Variants in JAKMIP1 observed in about 807,000 individuals in gnomAD.
JAKMIP1 encodes the protein janus kinase and microtubule-interacting protein 1.
JAKMIP1 carries 33 observed loss-of-function variants against 113.0 expected under a neutral mutation model. The observed-to-expected ratio is 0.29, with a 90% CI of 0.22 to 0.39. JAKMIP1 has a LOEUF of 0.39. JAKMIP1 is among the 10% of genes least tolerant of loss of function. The probability of loss-of-function intolerance (pLI) is 1.00; values close to 1 mark genes in which losing one functional copy is unlikely to be tolerated. For synonymous variants in JAKMIP1, 480 were observed against 459.9 expected (o/e 1.04, Z -0.56); for missense variants, 813 against 1,080.5 (o/e 0.75, Z 3.47).
chr4:6,111,186 A>G (rs1714875855), intron 2 of JAKMIP1, among the ~76,000 whole-genome samples: 1 of 152,124 alleles, frequency 6.6e-6, no homozygotes, highest in Admixed American at 6.5e-5. Context: ...CCAGCACTCC[A>G]TTGGCGACCT....
In JAKMIP1 at chr4:6,153,894, C is replaced by G. The variant is rs1321344268; in HGVS notation, c.-147-40897G>C. Among the ~76,000 whole-genome samples, 1 of 152,242 alleles carries G rather than the reference C, an allele frequency of 6.6e-6. No homozygotes were observed. Among genetic ancestry groups the G allele is most frequent in the Non-Finnish European group, 1.5e-5 (1 of 68,042 alleles). ...ATCGCAACACTGGTGAGCACTCTCACTGAGAAATGCGGAACCAGCTACCCG... is the reference window on the plus strand; with the variant it reads ...ATCGCAACACTGGTGAGCACTCTCAGTGAGAAATGCGGAACCAGCTACCCG... On this transcript the variant is annotated intron_variant, in intron 1 of 20. Transcript: ENST00000409021. This position sits in a 1 kb window ranked among gnomAD's most constrained non-coding sequence, Gnocchi z 4.9.
At chr4:6,149,727 G>A (rs1422235721) in intron 1 of JAKMIP1, among the ~76,000 whole-genome samples, 1 of 152,026 alleles carries the variant, frequency 6.6e-6, no homozygotes, top group East Asian at 1.9e-4. Context: ...CCAGGGCCCT[G>A]CACCTCTTGA....
intron 1 of JAKMIP1, among the ~76,000 whole-genome samples, chr4:6,122,029 A>G (rs1175876691): frequency 1.3e-5 from 2 of 152,232 alleles, no homozygotes; most frequent in Admixed American, 1.3e-4. Context: ...GCAGGCTTAT[A>G]TTTAAGTGTA....
At chr4:6,096,246 C>T (rs1578218121) in intron 3 of JAKMIP1, among the ~76,000 whole-genome samples, 1 of 152,208 alleles carries the variant, frequency 6.6e-6, no homozygotes, top group Non-Finnish European at 1.5e-5. Flanking sequence ...TAGCATCCTG[C>T]TGTTTTAATT....
chr4:6,126,257 ACACACACAAACACACACAC>A (rs1717574743), intron 1 of JAKMIP1, among the ~76,000 whole-genome samples: 1 of 148,804 alleles, frequency 6.7e-6, no homozygotes, highest in Admixed American at 6.7e-5. Flanking sequence ...AGAAACACAC[ACACACACAAACACACACAC>A]CATGCAGAAA....
chr4:6,057,803 C>T (rs1254621635), intron 11 of JAKMIP1, among the ~76,000 whole-genome samples: 4 of 152,214 alleles, frequency 2.6e-5, no homozygotes, highest in African/African-American at 7.2e-5. Flanking sequence ...GGGATGTTAG[C>T]AGAGGTGACC....
intron 3 of JAKMIP1, among the ~76,000 whole-genome samples, chr4:6,104,195 C>T (rs1045070724): frequency 6.6e-5 from 10 of 152,220 alleles, no homozygotes; most frequent in Non-Finnish European, 1.3e-4. Flanking sequence ...GAATAGAGTG[C>T]TCTGTCAGGT....
chr4:6,118,204 T>C (rs867926720), intron 1 of JAKMIP1, among the ~76,000 whole-genome samples: 1 of 152,326 alleles, frequency 6.6e-6, no homozygotes, highest in South Asian at 2.1e-4. Flanking sequence ...TAAATGTCCA[T>C]AAAATCTTCA....
At chr4:6,053,583 G>T (rs764116092) in intron 13 of JAKMIP1, among the ~76,000 whole-genome samples, 3 of 152,150 alleles carry the variant, frequency 2.0e-5, no homozygotes, top group Non-Finnish European at 4.4e-5. Flanking sequence ...GCTGGCTCAG[G>T]TCAGACTCTG....
At chr4:6,174,176 T>G (rs932752774) in intron 1 of JAKMIP1, among the ~76,000 whole-genome samples, 4 of 152,180 alleles carry the variant, frequency 2.6e-5, no homozygotes, top group Non-Finnish European at 5.9e-5. Flanking sequence ...ATACCCTATA[T>G]AGCAAAATGA....
rs1234009399 is a variant in JAKMIP1 at position 6,158,088 on chromosome 4, AC to A, written c.-148+42164del. 6.6e-6 allele frequency among the ~76,000 whole-genome samples: 1 copy of A among 152,110 alleles called. No homozygotes were observed. Among genetic ancestry groups the A allele is most frequent in the Non-Finnish European group, 1.5e-5 (1 of 68,010 alleles). On this transcript the variant is annotated intron_variant, in intron 1 of 20. Transcript: ENST00000409021. This position sits in a 1 kb window ranked among gnomAD's most constrained non-coding sequence, Gnocchi z 5.3. ...AGCGCCGTCCCTCTCCCTGTGTGAG[AC>A]GCTGGTCAAGTTACTCCTGCTCTCT...
chr4:6,101,732 C>CAAAAAAAAAAAA (rs56084278), intron 3 of JAKMIP1, among the ~76,000 whole-genome samples: 1 of 96,568 alleles, frequency 1.0e-5, no homozygotes, highest in African/African-American at 4.1e-5. Context: ...ACTAAAAATA[C>CAAAAAAAAAAAA]AAAAAAAAAA....
rs145818869 is a variant in JAKMIP1, at chr4:6,050,836, C to T, written c.1807-157G>A. Among the ~76,000 whole-genome samples the T allele has an allele frequency of 1.3e-5, 2 of 152,320 alleles. No individual in the cohort carries two copies. The highest frequency in any genetic ancestry group is 1.9e-4 in the East Asian group (1 of 5,180). Reference sequence around the variant, plus strand: ...TAGAAGCAGCCTCGTCCGTGAGCTACGACGTTTTCACGCCTTCCCACGCAG... The same window carrying T: ...TAGAAGCAGCCTCGTCCGTGAGCTATGACGTTTTCACGCCTTCCCACGCAG... On this transcript the variant is annotated intron_variant, in intron 13 of 20. Coordinates refer to ENST00000409021, the MANE Select transcript of JAKMIP1 (RefSeq NM_001099433.2). The surrounding 1 kb of genome is among the most constrained non-coding windows in gnomAD (Gnocchi z 7.4).
intron 3 of JAKMIP1, among the ~76,000 whole-genome samples, chr4:6,100,796 T>C (rs1054118465): frequency 7.2e-5 from 11 of 152,202 alleles, no homozygotes; most frequent in Non-Finnish European, 1.6e-4. Flanking sequence ...CTAGTTGTAA[T>C]TTTACTCTGG....
intron 3 of JAKMIP1, 116 bp from the exon 4 acceptor site, chr4:6,085,745 C>G: frequency 1.2e-6 from 1 of 856,282 alleles, no homozygotes; most frequent in Admixed American, 2.3e-5. Context: ...GGGCCTGGGT[C>G]AACTGAATTC....
In JAKMIP1 at chr4:6,129,961, A is replaced by G. The variant is rs1718268986; in HGVS notation, c.-147-16964T>C. On this transcript the variant is annotated intron_variant, in intron 1 of 20. Transcript: ENST00000409021. This position sits in a 1 kb window ranked among gnomAD's most constrained non-coding sequence, Gnocchi z 5.4. ...TCCTGGTCCTAACAAGTCCATCTTG[A>G]TATGTCCCAGTGAAGCCAAGTTCAG... is the stretch of plus-strand genomic sequence containing the variant. Among the ~76,000 whole-genome samples the G allele has an allele frequency of 6.6e-6, 1 of 152,174 alleles. No individual in the cohort carries two copies.
intron 1 of JAKMIP1, among the ~76,000 whole-genome samples, chr4:6,125,982 AACAC>A (rs1211314152): frequency 2.9e-5 from 4 of 137,860 alleles, no homozygotes; most frequent in Non-Finnish European, 4.7e-5. Context: ...ACCATGCAGA[AACAC>A]ACACACACAC....
At position 6,064,941 on chromosome 4, in the gene JAKMIP1, G is replaced by A. The variant is rs769955933; in HGVS notation, c.1370C>T (p.Thr457Ile). Residue 457 changes from threonine to isoleucine, a missense_variant, in exon 9 of 21, where the codon ACA becomes ATA. By Grantham distance (89) the Thr-to-Ile change is moderately conservative. Around this residue, in one of 2 missense-constraint regions of JAKMIP1, gnomAD observed 540 missense variants for 653.9 expected, o/e 0.83. Transcript: ENST00000409021. This position sits in a 1 kb window ranked among gnomAD's most constrained non-coding sequence, Gnocchi z 4.3. ...ESVDSETLSE[T>I]SYNTDRTDRT... ...GTCTGTCCTGTCTGTGTTGTAGGAT[G>A]TTTCGGACAACGTTTCTGAGTCCAC... 36 of 1,614,006 alleles carry A rather than the reference G, an allele frequency of 2.2e-5. No homozygotes were observed. Among genetic ancestry groups the A allele is most frequent in the Non-Finnish European group, 3.0e-5 (35 of 1,180,010 alleles).
chr4:6,031,618 C>T lies in JAKMIP1; in HGVS notation c.2380-1837G>A, dbSNP rs771719174. Among the ~76,000 whole-genome samples, 1 of 152,140 alleles carries T rather than the reference C, an allele frequency of 6.6e-6. No individual in the cohort carries two copies. Among genetic ancestry groups the T allele is most frequent in the Admixed American group, 6.5e-5 (1 of 15,278 alleles). On this transcript the variant is annotated intron_variant, in intron 19 of 20. Coordinates refer to ENST00000409021, the MANE Select transcript of JAKMIP1 (RefSeq NM_001099433.2). The surrounding 1 kb of genome is among the most constrained non-coding windows in gnomAD (Gnocchi z 4.4). ...TCAGAGGGTCTGGAATGGCCCATGTCCCGATGAGGTGCTCACAGCTTTGGG... is the reference window on the plus strand; with the variant it reads ...TCAGAGGGTCTGGAATGGCCCATGTTCCGATGAGGTGCTCACAGCTTTGGG...
Sources: gnomAD v4.1 joint callset for allele counts (sites outside exome capture counted in the v4.1 genomes callset) on GRCh38, gnomAD v4.1.1 for gene constraint, gnomAD v4.1.1 regional missense constraint, Gnocchi (gnomAD v3.1) non-coding constraint, MANE v1.5 for transcripts, NCBI Gene and HGNC (gene_info 2026-07-23, HGNC 2026-07-21) for gene names.